Variants in FMN1 observed in about 807,000 individuals in gnomAD.
The protein encoded by FMN1 is formin 1.
A neutral mutation model predicts 132.4 loss-of-function variants in FMN1; 110 were observed. That is an observed-to-expected ratio of 0.83 (90% CI 0.71 to 0.97). FMN1 has a LOEUF of 0.97. FMN1 is among the 50% of genes least tolerant of loss of function. The pLI is 0.00. For synonymous variants in FMN1, 722 were observed against 651.7 expected, an observed-to-expected ratio of 1.11 and a Z score of -1.64; for missense variants, 1,792 against 1,705.3, an observed-to-expected ratio of 1.05 and a Z score of -0.90.
At chr15:32,922,964 A>G (rs1022343788) in intron 10 of FMN1, among the ~76,000 whole-genome samples, 1 of 152,198 alleles carries the variant, frequency 6.6e-6, no homozygotes, top group Non-Finnish European at 1.5e-5. Flanking sequence ...TGTGGAGAAA[A>G]CAATCAATAA....
At chr15:33,092,114 T>A (rs766030993) in intron 4 of FMN1, among the ~76,000 whole-genome samples, 9 of 152,194 alleles carry the variant, frequency 5.9e-5, no homozygotes, top group Non-Finnish European at 1.2e-4. Context: ...ACAGTCACAG[T>A]AAAGGTAGGG....
intron 19 of FMN1, among the ~76,000 whole-genome samples, chr15:32,788,107 C>A (rs1028384340): frequency 6.6e-6 from 1 of 152,216 alleles, no homozygotes; most frequent in African/African-American, 2.4e-5. Flanking sequence ...ACAAAGTCCT[C>A]TTCCGTTTGC....
intron 6 of FMN1, among the ~76,000 whole-genome samples, chr15:33,061,530 T>TA (rs1406767558): frequency 1.3e-4 from 20 of 152,008 alleles, no homozygotes; most frequent in African/African-American, 4.8e-4. Flanking sequence ...CTCGTGAAGT[T>TA]ACTAAACATT....
At chr15:33,124,762 T>C (rs1334569761) in intron 4 of FMN1, among the ~76,000 whole-genome samples, 2 of 152,112 alleles carry the variant, frequency 1.3e-5, no homozygotes, top group African/African-American at 2.4e-5. Context: ...AGCACTCCTT[T>C]GTGCTCCTTA....
chr15:32,940,378 A>G (rs930215220), intron 9 of FMN1, among the ~76,000 whole-genome samples: 1 of 148,682 alleles, frequency 6.7e-6, no homozygotes, highest in African/African-American at 2.5e-5. Context: ...GTCTACTGCA[A>G]ACAAAATAAA....
intron 15 of FMN1, among the ~76,000 whole-genome samples, chr15:32,889,028 A>G (rs1000735465): frequency 9.2e-5 from 14 of 151,814 alleles, no homozygotes; most frequent in Non-Finnish European, 1.5e-5. Flanking sequence ...CTAATTTTTA[A>G]TTTTTTGTAG....
intron 4 of FMN1, among the ~76,000 whole-genome samples, chr15:33,109,932 G>A (rs2140119079): frequency 1.3e-5 from 2 of 152,044 alleles, no homozygotes; most frequent in African/African-American, 4.8e-5. Flanking sequence ...AGTGCCCATG[G>A]ATGTTTAAGT....
Position 33,154,677 on chromosome 15 carries a change from T to C in FMN1, c.238A>G (p.Thr80Ala). 6.5e-7 allele frequency: 1 copy of C among 1,536,112 alleles called. No homozygotes were observed. The highest frequency in any genetic ancestry group is 8.7e-7 in the Non-Finnish European group (1 of 1,146,906). Reference protein sequence around the residue: ...PGDIFFKQTPTKDILTELYKL... With the variant: ...PGDIFFKQTPAKDILTELYKL... Reference sequence around the variant, plus strand: ...TACAGCTCAGTTAGAATGTCTTTCGTGGGAGTCTGCTTGAAAAATATGTCG... The same window carrying C: ...TACAGCTCAGTTAGAATGTCTTTCGCGGGAGTCTGCTTGAAAAATATGTCG... The change falls in exon 4 of 21, where the codon ACG becomes GCG. Residue 80 changes from threonine to alanine, a missense_variant. Thr to Ala is a moderately conservative substitution (Grantham distance 58, BLOSUM62 0). This residue lies in a region of FMN1 where 638 missense variants were observed against 645.2 expected (regional missense o/e 0.99). Coordinates refer to ENST00000616417, the MANE Select transcript of FMN1 (RefSeq NM_001277313.2).
intron 10 of FMN1, among the ~76,000 whole-genome samples, chr15:32,922,470 C>T (rs1233746415): frequency 1.3e-5 from 2 of 152,198 alleles, no homozygotes. Flanking sequence ...ACTAGCCCTG[C>T]TCCTTGTTAC....
Position 33,154,228 on chromosome 15 carries a change from G to A in FMN1, c.687C>T (p.Ser229=), listed in dbSNP as rs750940066. 3 of 1,536,176 alleles carry A rather than the reference G, an allele frequency of 2.0e-6. No homozygotes were observed. Among genetic ancestry groups the A allele is most frequent in the Middle Eastern group, 1.7e-4 (1 of 5,990 alleles). ...NLLPNGALAC[S]LQRRESCPPD... ...GGGGGCAGCTCTCTCTCCTCTGCAGGGAGCAGGCAAGTGCCCCATTCGGGA... is the reference window on the plus strand; with the variant it reads ...GGGGGCAGCTCTCTCTCCTCTGCAGAGAGCAGGCAAGTGCCCCATTCGGGA... Residue 229 remains serine (S), a synonymous_variant, in exon 4 of 21, where the codon TCC becomes TCT. Coordinates refer to ENST00000616417, the MANE Select transcript of FMN1 (RefSeq NM_001277313.2).
chr15:32,833,363 C>T (rs1268694442), intron 17 of FMN1, among the ~76,000 whole-genome samples: 1 of 152,144 alleles, frequency 6.6e-6, no homozygotes, highest in Non-Finnish European at 1.5e-5. Context: ...ATAAGGGACT[C>T]ATCTGGAGAA....
intron 5 of FMN1, among the ~76,000 whole-genome samples, chr15:33,077,634 C>T (rs2038271949): frequency 6.6e-6 from 1 of 151,652 alleles, no homozygotes; most frequent in South Asian, 2.1e-4. Context: ...TTTCTCCTTG[C>T]AACAGTTTGC....
At chr15:33,111,907 T>C (rs139039766) in intron 4 of FMN1, among the ~76,000 whole-genome samples, 123 of 152,296 alleles carry the variant, frequency 8.1e-4, no homozygotes, top group African/African-American at 2.4e-3. Flanking sequence ...AACCACTGAA[T>C]TGTACATTTT....
intron 17 of FMN1, among the ~76,000 whole-genome samples, chr15:32,824,619 G>C (rs1352919469): frequency 6.6e-6 from 1 of 152,016 alleles, no homozygotes; most frequent in Non-Finnish European, 1.5e-5. Flanking sequence ...TAAGAGACAA[G>C]GTCTCACTCT....
intron 7 of FMN1, among the ~76,000 whole-genome samples, chr15:32,980,724 T>C (rs1567501048): frequency 6.6e-6 from 1 of 152,204 alleles, no homozygotes; most frequent in Non-Finnish European, 1.5e-5. Flanking sequence ...CTATTTTCCT[T>C]CCTTTTCTTT....
chr15:32,897,698 A>T (rs2060193214), intron 15 of FMN1, among the ~76,000 whole-genome samples: 1 of 152,162 alleles, frequency 6.6e-6, no homozygotes, highest in South Asian at 2.1e-4. Flanking sequence ...AAGCAATAGG[A>T]TCAGAGCTGT....
chr15:33,047,606 G>A (rs343907), intron 6 of FMN1, among the ~76,000 whole-genome samples: 107,627 of 151,926 alleles, frequency 0.71, 38,595 homozygotes, highest in Non-Finnish European at 0.75. Context: ...GATCCCTCTC[G>A]AAATCTAAGG....
chr15:32,839,955 G>A (rs986960398), intron 17 of FMN1, among the ~76,000 whole-genome samples: 1 of 152,174 alleles, frequency 6.6e-6, no homozygotes, highest in African/African-American at 2.4e-5. Context: ...AAGTCAATAA[G>A]ACCAATTTCC....
At chr15:33,131,464 G>A (rs975344227) in intron 4 of FMN1, among the ~76,000 whole-genome samples, 1 of 151,966 alleles carries the variant, frequency 6.6e-6, no homozygotes, top group African/African-American at 2.4e-5. Flanking sequence ...TGTTGAAAAC[G>A]ATCTCTAATC....
Sources: gnomAD v4.1 joint callset for allele counts (sites outside exome capture counted in the v4.1 genomes callset) on GRCh38, gnomAD v4.1.1 for gene constraint, gnomAD v4.1.1 regional missense constraint, MANE v1.5 for transcripts, NCBI Gene and HGNC (gene_info 2026-07-23, HGNC 2026-07-21) for gene names.